ZNF787: variants seen among roughly 807,000 people sequenced by gnomAD.
ZNF787 encodes zinc finger protein 787, also known as TTF-I-interacting peptide 20.
In ZNF787, 7 loss-of-function variants were observed where a neutral mutation model predicts 16.9. That is an observed-to-expected ratio of 0.42 (90% confidence interval 0.24 to 0.78). The LOEUF (loss-of-function observed/expected upper bound fraction) is 0.78. ZNF787 is among the 30% of genes least tolerant of loss of function. The pLI is 0.30. For synonymous variants in ZNF787, 345 were observed against 270.9 expected, an observed-to-expected ratio of 1.27 and a Z score of -2.69; for missense variants, 551 against 589.3, an observed-to-expected ratio of 0.94 and a Z score of 0.67.
chr19:56,102,766 G>A, intron 2 of ZNF787: 1 of 611,062 alleles, frequency 1.6e-6, no homozygotes, highest in Non-Finnish European at 2.9e-6. Flanking sequence ...GAGGGCCACA[G>A]GCCCGCCTGG....
In ZNF787 at chr19:56,087,752, C is replaced by G. The variant is rs1472401695; in HGVS notation, c.*271G>C. On this transcript the variant is annotated 3_prime_UTR_variant, in exon 3 of 3. Transcript: ENST00000610935. ...TGGTCGCCACTCGGCCTCTGCAGTT[C>G]TCTCCATTGTCTCTCCGGCTCGCAG... The G allele has an allele frequency of 1.9e-5, 7 of 369,388 alleles. No individual in the cohort carries two copies. In the East Asian group the frequency reaches 3.0e-4, roughly 16 times the overall value. The allele number at this position is 369,388 out of a possible 1,614,324, so 22.9% of individuals were successfully genotyped here.
rs116830250 is a variant in ZNF787 at position 56,103,551 on chromosome 19, G to A, written c.-10-324C>T. The A allele has an allele frequency of 7.4e-3, 2,584 of 351,358 alleles. 57 individuals are homozygous for A. The highest frequency in any genetic ancestry group is 0.048 in the African/African-American group (2,296 of 47,630). The allele number at this position is 351,358 out of a possible 1,614,324, so 21.8% of individuals were successfully genotyped here. ...GCAACCCCACCTCGCGCCTCCTCGC[G>A]CCTCAGCTTCCTCACTGGCAAGATG... On this transcript the variant is annotated intron_variant, in intron 1 of 2. Coordinates refer to ENST00000610935, the MANE Select transcript of ZNF787 (RefSeq NM_001002836.4).
At chr19:56,113,016 G>A (rs1405229989) in intron 1 of ZNF787, among the ~76,000 whole-genome samples, 1 of 151,940 alleles carries the variant, frequency 6.6e-6, no homozygotes, top group Non-Finnish European at 1.5e-5. Flanking sequence ...CTGCCTCTTG[G>A]AAGTGCCCTC....
chr19:56,119,517 T>G (rs2030227471), intron 1 of ZNF787, among the ~76,000 whole-genome samples: 1 of 152,200 alleles, frequency 6.6e-6, no homozygotes. Context: ...GCCTTCCCGC[T>G]GAGGTCAATA....
chr19:56,100,644 C>A (rs911484589), intron 2 of ZNF787, among the ~76,000 whole-genome samples: 5 of 151,068 alleles, frequency 3.3e-5, no homozygotes, highest in Non-Finnish European at 7.4e-5. Flanking sequence ...ACACCCGCCA[C>A]CCCACCCCCA....
intron 1 of ZNF787, among the ~76,000 whole-genome samples, chr19:56,107,612 C>A (rs1252299729): frequency 6.6e-6 from 1 of 151,640 alleles, no homozygotes; most frequent in African/African-American, 2.4e-5. Context: ...GGGCCGAGGT[C>A]CTGCCCCCAA....
chr19:56,113,195 A>G (rs1176653713), intron 1 of ZNF787, among the ~76,000 whole-genome samples: 1 of 152,178 alleles, frequency 6.6e-6, no homozygotes, highest in Non-Finnish European at 1.5e-5. Flanking sequence ...CCAAACCCAC[A>G]GGGAGGCAGC....
Position 56,088,306 on chromosome 19 carries a change from A to C in ZNF787, c.866T>G (p.Phe289Cys). 1 of 1,339,858 alleles carries C rather than the reference A, an allele frequency of 7.5e-7. No homozygotes were observed. The highest frequency in any genetic ancestry group is 9.5e-7 in the Non-Finnish European group (1 of 1,049,002). The allele number at this position is 1,339,858 out of a possible 1,614,324, so 83.0% of individuals were successfully genotyped here. The change falls in exon 3 of 3, where the codon TTC (phenylalanine) becomes TGC (cysteine). Residue 289 changes from phenylalanine (F) to cysteine (C), a missense_variant. By Grantham distance (205) the Phe-to-Cys change is radical. This residue lies in a region of ZNF787 where 392 missense variants were observed against 312.7 expected (regional missense o/e 1.25). Transcript: ENST00000610935. This position sits in a 1 kb window ranked among gnomAD's most constrained non-coding sequence, Gnocchi z 8.6. ...CGCCAGGAGCCCGGCCCCGTGCCCG[A>C]AGCCCTTCCCGCACTCCAGACACAC... is the stretch of plus-strand genomic sequence containing the variant. ...PYVCLECGKGFGHGAGLLAHQ... is the reference protein window; with the variant it reads ...PYVCLECGKGCGHGAGLLAHQ...
At chr19:56,098,881 G>C (rs1985985139) in intron 2 of ZNF787, among the ~76,000 whole-genome samples, 1 of 152,092 alleles carries the variant, frequency 6.6e-6, no homozygotes, top group Non-Finnish European at 1.5e-5. Context: ...TACGGCCGCA[G>C]GGTGATGGAG....
intron 2 of ZNF787, among the ~76,000 whole-genome samples, chr19:56,098,166 G>C (rs566075397): frequency 6.6e-6 from 1 of 152,294 alleles, no homozygotes; most frequent in East Asian, 1.9e-4. Context: ...AACAGCCACA[G>C]AAAGCTTTCC....
At position 56,088,551 on chromosome 19, in the gene ZNF787, GC is replaced by G; in HGVS notation, c.620del (p.Gly207AlafsTer307). On this transcript the variant is annotated frameshift_variant, in exon 3 of 3. Coordinates refer to ENST00000610935, the MANE Select transcript of ZNF787 (RefSeq NM_001002836.4). LOFTEE classifies it high-confidence loss of function. This position sits in a 1 kb window ranked among gnomAD's most constrained non-coding sequence, Gnocchi z 8.6. ...LRLHPELSGP[G>X]VAAKVLAASV... ...TAGCCGCCAGCACCTTGGCCGCCAC[GC>G]CAGGCCCCGACAGCTCCGGGTGCAG... 6.8e-7 allele frequency: 1 copy of G among 1,473,166 alleles called. No homozygotes were observed. The highest frequency in any genetic ancestry group is 8.9e-7 in the Non-Finnish European group (1 of 1,121,574). 91.3% of individuals were successfully genotyped at this position (1,473,166 alleles called of 1,614,324 possible). A position where few individuals can be genotyped will look rare whatever the true frequency, so the allele number is the denominator to read the frequency against.
intron 1 of ZNF787, among the ~76,000 whole-genome samples, chr19:56,120,767 G>C (rs1373849169): frequency 1.4e-5 from 2 of 141,920 alleles, no homozygotes; most frequent in Admixed American, 7.2e-5. Context: ...TTCCGGCCAC[G>C]ACCGGCGGAG....
At position 56,118,207 on chromosome 19, in the gene ZNF787, T is replaced by A. The variant is rs1009369212; in HGVS notation, c.-11+2965A>T. ...AACTCCACACCTGCCTTGCTCTCCC[T>A]GATGCTGGGTGAGTGAGGCCTCCTT... On this transcript the variant is annotated intron_variant, in intron 1 of 2. Coordinates refer to ENST00000610935, the MANE Select transcript of ZNF787 (RefSeq NM_001002836.4). Among the ~76,000 whole-genome samples the A allele has an allele frequency of 2.0e-5, 3 of 152,202 alleles. No individual in the cohort carries two copies. The South Asian group carries it at 6.2e-4, about 32-fold the overall frequency.
At position 56,121,167 on chromosome 19, in the gene ZNF787, C is replaced by T. The variant is rs2030288902; in HGVS notation, c.-11+5G>A. ...CAGCGCACGGCCCCCGCCCCCACCC[C>T]TCACCTCCTTGGTCCCGGGGCCGCC... is the stretch of plus-strand genomic sequence containing the variant. On this transcript the variant is annotated splice_donor_5th_base_variant and intron_variant, in intron 1 of 2. Coordinates refer to ENST00000610935, the MANE Select transcript of ZNF787 (RefSeq NM_001002836.4). The T allele has an allele frequency of 6.7e-6, 1 of 149,408 alleles. No individual in the cohort carries two copies. Among genetic ancestry groups the T allele is most frequent in the African/African-American group, 2.5e-5 (1 of 40,494 alleles). The allele number at this position is 149,408 out of a possible 1,614,324, so 9.3% of individuals were successfully genotyped here.
chr19:56,109,034 C>G (rs992863651), intron 1 of ZNF787, among the ~76,000 whole-genome samples: 2 of 152,194 alleles, frequency 1.3e-5, no homozygotes, highest in Admixed American at 6.5e-5. Flanking sequence ...GGAGTCACCC[C>G]TCCTCCACGG....
intron 1 of ZNF787, among the ~76,000 whole-genome samples, chr19:56,119,758 T>G (rs1445936683): frequency 6.6e-6 from 1 of 152,242 alleles, no homozygotes; most frequent in Non-Finnish European, 1.5e-5. Context: ...AGCAGGAATC[T>G]GATCTGGATG....
chr19:56,120,212 A>T (rs974119903), intron 1 of ZNF787, among the ~76,000 whole-genome samples: 4 of 152,154 alleles, frequency 2.6e-5, no homozygotes, highest in African/African-American at 9.7e-5. Context: ...CTGGCACTGG[A>T]AAAACTTCTG....
chr19:56,095,077 G>A (rs763526682), intron 2 of ZNF787, among the ~76,000 whole-genome samples: 2 of 152,136 alleles, frequency 1.3e-5, no homozygotes, highest in African/African-American at 2.4e-5. Context: ...TCGCACCATC[G>A]CACTCCAGCC....
At chr19:56,119,944 C>T (rs2030238979) in intron 1 of ZNF787, among the ~76,000 whole-genome samples, 1 of 151,288 alleles carries the variant, frequency 6.6e-6, no homozygotes, top group South Asian at 2.1e-4. Flanking sequence ...GTTCTAAGCA[C>T]TGCGCAACAT....
Sources: allele counts gnomAD v4.1 joint callset (sites outside exome capture counted in the v4.1 genomes callset), GRCh38; gene constraint gnomAD v4.1.1; regional missense constraint gnomAD v4.1.1; non-coding constraint Gnocchi (gnomAD v3.1); transcripts MANE v1.5; gene names NCBI Gene and HGNC (gene_info 2026-07-23, HGNC 2026-07-21).